WDFY3: variants seen among roughly 807,000 people sequenced by gnomAD.
WDFY3 encodes WD repeat and FYVE domain-containing protein 3.
In WDFY3, 66 loss-of-function variants were observed where a neutral mutation model predicts 409.6. The observed-to-expected ratio is 0.16, with a 90% CI of 0.13 to 0.20. WDFY3 has a LOEUF of 0.20. Among genes scored for constraint, WDFY3 ranks in the 10% least tolerant of loss-of-function variants. The probability of loss-of-function intolerance (pLI) is 1.00; values close to 1 mark genes in which losing one functional copy is unlikely to be tolerated. For synonymous variants in WDFY3, 1,521 were observed against 1,537.1 expected, an observed-to-expected ratio of 0.99 and a Z score of 0.25; for missense variants, 3,031 against 4,298.1, an observed-to-expected ratio of 0.71 and a Z score of 8.24.
intron 1 of WDFY3, among the ~76,000 whole-genome samples, chr4:84,955,897 A>G (rs568252077): frequency 6.6e-6 from 1 of 152,340 alleles, no homozygotes; most frequent in South Asian, 2.1e-4. Context: ...CAACTTATAA[A>G]GTGAAATTTA....
Position 84,724,562 on chromosome 4 carries a change from A to G in WDFY3, c.7305T>C (p.Tyr2435=), listed in dbSNP as rs557917631. 9 of 1,613,868 alleles carry G rather than the reference A, an allele frequency of 5.6e-6. No homozygotes were observed. Among genetic ancestry groups the G allele is most frequent in the Admixed American group, 3.3e-5 (2 of 59,952 alleles). ...GTCGCATGTAGTACTCTTTACTGTCATAACTTACGGCTCTTCTATATCGAG... is the reference window on the plus strand; with the variant it reads ...GTCGCATGTAGTACTCTTTACTGTCGTAACTTACGGCTCTTCTATATCGAG... The part of the protein sequence containing the change: ...KPARYRRAVS[Y]DSKEYYMRLA... Residue 2435 remains tyrosine, a synonymous_variant, in exon 46 of 68, where the codon TAT becomes TAC. Transcript: ENST00000295888.
At chr4:84,759,852 T>C (rs1742205336) in intron 32 of WDFY3, among the ~76,000 whole-genome samples, 1 of 149,584 alleles carries the variant, frequency 6.7e-6, no homozygotes, top group South Asian at 2.1e-4. Context: ...TGAATAGGAG[T>C]GGTGAGAGAG....
At position 84,740,364 on chromosome 4, in the gene WDFY3, T is replaced by C. The variant is rs112219413; in HGVS notation, c.6287A>G (p.Asn2096Ser). ...LSLDAVYHCL[N>S]RTILYQFSRA... ...TGAGAACTGGTACAAGATGGTCCTA[T>C]TGAGGCAATGATACACTGCATCCAG... Residue 2096 changes from asparagine (N) to serine (S), a missense_variant, in exon 39 of 68, where the codon AAT (asparagine) becomes AGT (serine). Physicochemically the swap from Asn to Ser is conservative, Grantham distance 46. Coordinates refer to ENST00000295888, the MANE Select transcript of WDFY3 (RefSeq NM_014991.6). 6.8e-6 allele frequency: 11 copies of C among 1,614,148 alleles called. No homozygotes were observed. The highest frequency in any genetic ancestry group is 1.7e-5 in the Admixed American group (1 of 60,016).
intron 32 of WDFY3, among the ~76,000 whole-genome samples, chr4:84,758,134 G>A (rs1349338103): frequency 6.6e-6 from 1 of 152,192 alleles, no homozygotes; most frequent in Non-Finnish European, 1.5e-5. Flanking sequence ...GAAGTACTCA[G>A]TACACAGTGA....
intron 1 of WDFY3, among the ~76,000 whole-genome samples, chr4:84,946,747 A>G (rs1313084039): frequency 6.6e-6 from 1 of 151,984 alleles, no homozygotes; most frequent in African/African-American, 2.4e-5. Context: ...ATAAGTCTGC[A>G]TACCCTGGCT....
intron 4 of WDFY3, 44 bp from the exon 5 acceptor site, chr4:84,850,069 T>C: frequency 2.6e-6 from 4 of 1,532,662 alleles, no homozygotes; most frequent in Non-Finnish European, 3.5e-6. Flanking sequence ...CTGACAAATT[T>C]TTCTTTTTAT....
chr4:84,938,049 G>A (rs1381373972), intron 1 of WDFY3, among the ~76,000 whole-genome samples: 2 of 152,056 alleles, frequency 1.3e-5, no homozygotes, highest in Admixed American at 6.6e-5. Context: ...TAAGCACTGC[G>A]ATACTCTGAC....
intron 56 of WDFY3, among the ~76,000 whole-genome samples, chr4:84,699,139 A>G (rs1730655499): frequency 6.6e-6 from 1 of 152,084 alleles, no homozygotes; most frequent in South Asian, 2.1e-4. Flanking sequence ...ATGTTACGCA[A>G]CCACGATTTC....
intron 3 of WDFY3, among the ~76,000 whole-genome samples, chr4:84,867,434 CTATT>C (rs1761540830): frequency 6.6e-6 from 1 of 152,182 alleles, no homozygotes; most frequent in Non-Finnish European, 1.5e-5. Flanking sequence ...CGTTTTCAAA[CTATT>C]TATAAGGATT....
At position 84,679,113 on chromosome 4, in the gene WDFY3, G is replaced by A; in HGVS notation, c.9953C>T (p.Ala3318Val). ...SHRPRAASCR[A>V]TAAWCTDSGS... ...ACTGTCAGTACACCAGGCGGCTGTT[G>A]CGCGGCAGGAGGCTGCCCGGGGCCT... is the stretch of plus-strand genomic sequence containing the variant. Residue 3318 changes from alanine (A) to valine (V), a missense_variant, in exon 65 of 68, where the codon GCA (alanine) becomes GTA (valine). Around this residue, in one of 16 missense-constraint regions of WDFY3, gnomAD observed 378 missense variants for 477.3 expected, o/e 0.79. Coordinates refer to ENST00000295888, the MANE Select transcript of WDFY3 (RefSeq NM_014991.6). The A allele has an allele frequency of 6.2e-7, 1 of 1,614,212 alleles. No individual in the cohort carries two copies. Among genetic ancestry groups the A allele is most frequent in the Non-Finnish European group, 8.5e-7 (1 of 1,180,046 alleles).
At chr4:84,898,039 T>A (rs1415731164) in intron 2 of WDFY3, among the ~76,000 whole-genome samples, 1 of 152,178 alleles carries the variant, frequency 6.6e-6, no homozygotes, top group African/African-American at 2.4e-5. Flanking sequence ...ACCTATGGCA[T>A]ATGAAAGAGC....
chr4:84,810,102 A>C lies in WDFY3; in HGVS notation c.2130T>G (p.Ile710Met), dbSNP rs1560818411. Residue 710 changes from isoleucine to methionine, a missense_variant, in exon 14 of 68, where the codon ATT becomes ATG. Physicochemically the swap from Ile to Met is conservative, Grantham distance 10. Transcript: ENST00000295888. ...CAGCATCTGCCAACTTCTCATACTG[A>C]ATCTCTGTTTTGAAGAAATGAGAGT... is the stretch of plus-strand genomic sequence containing the variant. ...PANSHFFKTE[I>M]QYEKLADAVR... The C allele has an allele frequency of 6.2e-7, 1 of 1,614,166 alleles. No individual in the cohort carries two copies. The highest frequency in any genetic ancestry group is 8.5e-7 in the Non-Finnish European group (1 of 1,180,002).
In WDFY3 at chr4:84,670,305, A is replaced by G. The variant is rs1237482291; in HGVS notation, c.*2563T>C. On this transcript the variant is annotated 3_prime_UTR_variant, in exon 68 of 68. Transcript: ENST00000295888. ...AAGAATGCAGACCATACTAAGGTAG[A>G]TGTACATGTTGACAATAGATGTTGG... The G allele has an allele frequency of 6.5e-6, 1 of 152,704 alleles. No individual in the cohort carries two copies. The allele number at this position is 152,704 out of a possible 1,614,324, so 9.5% of individuals were successfully genotyped here.
At position 84,800,039 on chromosome 4, in the gene WDFY3, A is replaced by T. The variant is rs542470441; in HGVS notation, c.2822+1611T>A. Among the ~76,000 whole-genome samples, 4 of 152,304 alleles carry T rather than the reference A, an allele frequency of 2.6e-5. No individual in the cohort carries two copies. The South Asian group carries it at 8.3e-4, about 32-fold the overall frequency. On this transcript the variant is annotated intron_variant, in intron 17 of 67. Coordinates refer to ENST00000295888, the MANE Select transcript of WDFY3 (RefSeq NM_014991.6). ...AAGTAGCAGATTACCAAAAAGGATCAGGGGAAAATCTCAATGCTATTTTCA... is the reference window on the plus strand; with the variant it reads ...AAGTAGCAGATTACCAAAAAGGATCTGGGGAAAATCTCAATGCTATTTTCA...
chr4:84,841,183 T>C lies in WDFY3; in HGVS notation c.385A>G (p.Thr129Ala), dbSNP rs376902584. Reference protein sequence around the residue: ...EASRGWMLLTTINLLASSGQK... With the variant: ...EASRGWMLLTAINLLASSGQK... ...CCAGAGGAAGCTAACAAATTAATTG[T>C]CGTTAGAAGCATCCAGCCTCTACTG... The change falls in exon 6 of 68, where the codon ACA (threonine) becomes GCA (alanine). Residue 129 changes from threonine (T) to alanine (A), a missense_variant. Thr to Ala is a moderately conservative substitution (Grantham distance 58). This residue lies in a region of WDFY3 where 1,322 missense variants were observed against 1,697.9 expected (regional missense o/e 0.78). Coordinates refer to ENST00000295888, the MANE Select transcript of WDFY3 (RefSeq NM_014991.6). 5.6e-6 allele frequency: 9 copies of C among 1,610,998 alleles called. No homozygotes were observed. Among genetic ancestry groups the C allele is most frequent in the Non-Finnish European group, 6.8e-6 (8 of 1,179,508 alleles).
chr4:84,690,440 T>C, intron 61 of WDFY3, 66 bp downstream of exon 61: 1 of 1,606,076 alleles, frequency 6.2e-7, no homozygotes, highest in Non-Finnish European at 8.5e-7. Context: ...GCTTTTTACT[T>C]CCTACAGGGT....
At chr4:84,694,316 T>G (rs987719497) in intron 58 of WDFY3, among the ~76,000 whole-genome samples, 7 of 152,178 alleles carry the variant, frequency 4.6e-5, no homozygotes, top group African/African-American at 1.7e-4. Context: ...TAATGATGTA[T>G]GGAGATGATG....
intron 1 of WDFY3, among the ~76,000 whole-genome samples, chr4:84,954,599 TTA>T (rs952218876): frequency 6.6e-6 from 1 of 152,330 alleles, no homozygotes; most frequent in East Asian, 1.9e-4. Context: ...GTAAACAGTC[TTA>T]GAGTTCCTCA....
chr4:84,718,584 CACAA>C lies in WDFY3; in HGVS notation c.7606-18_7606-15del, dbSNP rs750340573. 2.5e-6 allele frequency: 4 copies of C among 1,601,148 alleles called. No individual in the cohort carries two copies. The highest frequency in any genetic ancestry group is 1.8e-5 in the Admixed American group (1 of 56,842). On this transcript the variant is annotated splice_polypyrimidine_tract_variant and intron_variant, in intron 47 of 67. Transcript: ENST00000295888. ...CATGTGTTGGATCTATAAAGAAGCCCACAAACATTCATTAATATAGGCTTTTTGT... is the reference window on the plus strand; with the variant it reads ...CATGTGTTGGATCTATAAAGAAGCCCACATTCATTAATATAGGCTTTTTGT...
Sources: allele counts gnomAD v4.1 joint callset (sites outside exome capture counted in the v4.1 genomes callset), GRCh38; gene constraint gnomAD v4.1.1; regional missense constraint gnomAD v4.1.1; transcripts MANE v1.5; gene names NCBI Gene and HGNC (gene_info 2026-07-23, HGNC 2026-07-21).